Variants in INTS1 observed in about 807,000 individuals in gnomAD.
INTS1 encodes the protein integrator complex subunit 1.
A neutral mutation model predicts 241.6 loss-of-function variants in INTS1; 137 were observed. The ratio of observed to expected loss-of-function variants is 0.57; its 90% CI spans 0.49 to 0.65. The LOEUF (loss-of-function observed/expected upper bound fraction) is 0.65. Ranked by LOEUF, INTS1 falls within the 30% of genes least tolerant of loss-of-function variation. The probability of loss-of-function intolerance (pLI) is 0.00; values close to 1 mark genes in which losing one functional copy is unlikely to be tolerated. For synonymous variants in INTS1, 1,692 were observed against 1,337.8 expected (o/e 1.26, Z -5.78); for missense variants, 3,073 against 3,032.2 (o/e 1.01, Z -0.32).
chr7:1,476,488 C>T lies in INTS1; in HGVS notation c.5152-33G>A, dbSNP rs776696338. ...GGGTGCCTGCATCAGCCCCGGAGCA[C>T]CACCGCCTCTCCCGGATGGGCCACC... On this transcript the variant is annotated intron_variant, in intron 37 of 47. Coordinates refer to ENST00000404767, the MANE Select transcript of INTS1 (RefSeq NM_001080453.3). 1.8e-5 allele frequency: 29 copies of T among 1,599,048 alleles called. No homozygotes were observed. The highest frequency in any genetic ancestry group is 1.7e-4 in the Middle Eastern group (1 of 6,004).
At chr7:1,488,036 A>G in intron 18 of INTS1, 79 bp from the exon 19 acceptor site, 1 of 1,475,920 alleles carries the variant, frequency 6.8e-7, no homozygotes, top group Non-Finnish European at 9.4e-7. Flanking sequence ...AGGGTCAAGG[A>G]GGGTAAAACC....
rs758440747 is a variant in INTS1 at position 1,495,498 on chromosome 7, G to A, written c.1767C>T (p.Ala589=). ...GGACCACAGTGTGGAGCCACCAGACGGCATCCCGCTGGATGGCGGCAATCT... is the reference window on the plus strand; with the variant it reads ...GGACCACAGTGTGGAGCCACCAGACAGCATCCCGCTGGATGGCGGCAATCT... The part of the protein sequence containing the change: ...QNQIAAIQRD[A]VWWLHTVVPS... Residue 589 remains alanine, a synonymous_variant, in exon 13 of 48, where the codon GCC becomes GCT. Coordinates refer to ENST00000404767, the MANE Select transcript of INTS1 (RefSeq NM_001080453.3). 6.6e-5 allele frequency: 107 copies of A among 1,612,548 alleles called. No individual in the cohort carries two copies. Among genetic ancestry groups the A allele is most frequent in the Admixed American group, 3.7e-4 (22 of 59,974 alleles).
intron 44 of INTS1, 189 bp from the exon 45 acceptor site, chr7:1,471,830 C>T: frequency 1.6e-6 from 1 of 610,224 alleles, no homozygotes; most frequent in Non-Finnish European, 2.9e-6. Flanking sequence ...CCTGCCCCTA[C>T]TAGTGGCCTC....
At chr7:1,500,515 C>T (rs868425712) in intron 3 of INTS1, 149 bp from the exon 4 acceptor site, 16 of 850,016 alleles carry the variant, frequency 1.9e-5, no homozygotes, top group South Asian at 1.3e-4. Context: ...GTTCCCACAG[C>T]GGACAAGCAC....
Position 1,476,938 on chromosome 7 carries a change from C to T in INTS1, c.4939-20G>A, listed in dbSNP as rs1375363847. 6.2e-7 allele frequency: 1 copy of T among 1,602,076 alleles called. No homozygotes were observed. Among genetic ancestry groups the T allele is most frequent in the Non-Finnish European group, 8.5e-7 (1 of 1,176,782 alleles). On this transcript the variant is annotated intron_variant, in intron 35 of 47. Coordinates refer to ENST00000404767, the MANE Select transcript of INTS1 (RefSeq NM_001080453.3). ...TTTGCCCTGGGGAGGGAGGAAGAAG[C>T]CCGGATGGCCTCACCTGGGCCAATG...
At chr7:1,486,546 T>C (rs528342045) in intron 22 of INTS1, 79 bp downstream of exon 22, 21 of 1,485,060 alleles carry the variant, frequency 1.4e-5, no homozygotes, top group Non-Finnish European at 1.7e-5. Context: ...ATGACAGGCG[T>C]GAGCCACCGT....
rs1263352782 is a variant in INTS1, at chr7:1,477,567, G to C, written c.4921C>G (p.Leu1641Val). ...SSCPDLQLRL[L>V]FSRRKGKGQA... ...CCACCCACCTTCCTCCGGGAGAAGA[G>C]CAGCCTGAGCTGCAGGTCGGGGCAG... Residue 1641 changes from leucine to valine, a missense_variant, in exon 35 of 48, where the codon CTC (leucine) becomes GTC (valine). Leu to Val is a conservative substitution (Grantham distance 32). Coordinates refer to ENST00000404767, the MANE Select transcript of INTS1 (RefSeq NM_001080453.3). 2 of 1,532,302 alleles carry C rather than the reference G, an allele frequency of 1.3e-6. No homozygotes were observed. The highest frequency in any genetic ancestry group is 1.4e-5 in the African/African-American group (1 of 72,642). 94.9% of individuals were successfully genotyped at this position (1,532,302 alleles called of 1,614,324 possible).
In INTS1 at chr7:1,475,932, A is replaced by T. The variant is rs1266548386; in HGVS notation, c.5502+16T>A. ...ACCTGGGACGGCGGCGGGGAGCGGC[A>T]GAGTTGCGCCCTCACCTTGCAGACG... is the stretch of plus-strand genomic sequence containing the variant. On this transcript the variant is annotated intron_variant, in intron 39 of 47. Coordinates refer to ENST00000404767, the MANE Select transcript of INTS1 (RefSeq NM_001080453.3). The T allele has an allele frequency of 6.5e-6, 10 of 1,529,980 alleles. 1 individual carries two copies. The highest frequency in any genetic ancestry group is 8.8e-6 in the Non-Finnish European group (10 of 1,139,278). The allele number at this position is 1,529,980 out of a possible 1,614,324, so 94.8% of individuals were successfully genotyped here.
chr7:1,498,930 G>GCCCCCCCCCCCCCCCCCCCCC, intron 8 of INTS1, 45 bp downstream of exon 8: 10 of 1,460,158 alleles, frequency 6.8e-6, no homozygotes, highest in East Asian at 5.1e-5. Context: ...CACAGAGCCT[G>GCCCCCCCCCCCCCCCCCCCCC]CCCCCACCCC....
chr7:1,493,665 C>T lies in INTS1; in HGVS notation c.2068+89G>A, dbSNP rs1782700604. The T allele has an allele frequency of 2.8e-6, 4 of 1,435,840 alleles. No homozygotes were observed. Among genetic ancestry groups the T allele is most frequent in the South Asian group, 1.5e-5 (1 of 68,262 alleles). 88.9% of individuals were successfully genotyped at this position (1,435,840 alleles called of 1,614,324 possible). On this transcript the variant is annotated intron_variant, in intron 15 of 47. Transcript: ENST00000404767. This position sits in a 1 kb window ranked among gnomAD's most constrained non-coding sequence, Gnocchi z 5.3. ...CCAGCTGAAGCGCAGCTTTGTGGAG[C>T]GCCCCAGAGGTGCGTGCCAGAGCCG...
At chr7:1,482,264 A>C in intron 27 of INTS1, 16 of 311,452 alleles carry the variant, frequency 5.1e-5, no homozygotes, top group East Asian at 1.6e-4. Context: ...ACCCCAGACC[A>C]CTTTCTCTTT....
Position 1,470,433 on chromosome 7 carries a change from T to C in INTS1, c.*144A>G, listed in dbSNP as rs1781399955. Reference sequence around the variant, plus strand: ...GGAGCCACCCCAGGGCTCGGAGTATTGCTCCTGGGCCTGCCTGGCCTCAGG... The same window carrying C: ...GGAGCCACCCCAGGGCTCGGAGTATCGCTCCTGGGCCTGCCTGGCCTCAGG... On this transcript the variant is annotated 3_prime_UTR_variant, in exon 48 of 48. Coordinates refer to ENST00000404767, the MANE Select transcript of INTS1 (RefSeq NM_001080453.3). 1 of 597,140 alleles carries C rather than the reference T, an allele frequency of 1.7e-6. No individual in the cohort carries two copies. The highest frequency in any genetic ancestry group is 2.8e-6 in the Non-Finnish European group (1 of 358,492). The allele number at this position is 597,140 out of a possible 1,614,324, so 37.0% of individuals were successfully genotyped here.
chr7:1,472,532 G>A (rs1432440062), intron 43 of INTS1, 146 bp from the exon 44 acceptor site: 7 of 596,532 alleles, frequency 1.2e-5, no homozygotes, highest in Non-Finnish European at 8.8e-6. Context: ...CAAATGGGGT[G>A]GAGCCAGGAG....
chr7:1,477,713 C>A (rs1254652693), intron 34 of INTS1, 40 bp from the exon 35 acceptor site: 2 of 1,605,426 alleles, frequency 1.2e-6, no homozygotes, highest in Non-Finnish European at 1.7e-6. Context: ...CTGGTGCCAC[C>A]CGCCTGCCCA....
chr7:1,471,458 T>A, intron 45 of INTS1, 113 bp downstream of exon 45: 1 of 1,225,856 alleles, frequency 8.2e-7, no homozygotes, highest in Admixed American at 1.9e-5. Context: ...AAGCCCAGCC[T>A]CAGAGGACTC....
chr7:1,474,783 CG>C lies in INTS1; in HGVS notation c.5557del (p.Arg1853GlyfsTer31). The C allele has an allele frequency of 6.3e-7, 1 of 1,582,258 alleles. No homozygotes were observed. Among genetic ancestry groups the C allele is most frequent in the South Asian group, 1.2e-5 (1 of 86,256 alleles). On this transcript the variant is annotated frameshift_variant, in exon 40 of 48. Coordinates refer to ENST00000404767, the MANE Select transcript of INTS1 (RefSeq NM_001080453.3). LOFTEE classifies it high-confidence loss of function. ...ATCCGCCCCTCGGTTCTCCAACGCC[CG>C]GGAGTCGCTGGTGTCCGCAAGGAGC... Reference protein sequence around the residue: ...ITLLADTSDSRALENRGADAS... With the variant: ...ITLLADTSDSXALENRGADAS...
chr7:1,502,838 T>C, intron 3 of INTS1, 63 bp downstream of exon 3: 1 of 1,580,884 alleles, frequency 6.3e-7, no homozygotes, highest in Admixed American at 1.7e-5. Flanking sequence ...GGGCCTTCCC[T>C]GAACACCTGA....
intron 33 of INTS1, 84 bp from the exon 34 acceptor site, chr7:1,478,020 T>C: frequency 8.8e-7 from 1 of 1,140,402 alleles, no homozygotes; most frequent in Non-Finnish European, 1.3e-6. Context: ...CAGGGTGGGG[T>C]GTGGGGTGAG....
In INTS1 at chr7:1,493,826, G is replaced by A. The variant is rs1179824342; in HGVS notation, c.1996C>T (p.Pro666Ser). 1 of 1,572,478 alleles carries A rather than the reference G, an allele frequency of 6.4e-7. No homozygotes were observed. The highest frequency in any genetic ancestry group is 1.2e-5 in the South Asian group (1 of 85,540). The change falls in exon 15 of 48, where the codon CCG (proline) becomes TCG (serine). Residue 666 changes from proline (P) to serine (S), a missense_variant. Coordinates refer to ENST00000404767, the MANE Select transcript of INTS1 (RefSeq NM_001080453.3). The surrounding 1 kb of genome is among the most constrained non-coding windows in gnomAD (Gnocchi z 5.3). The part of the protein sequence containing the change: ...ILVIGLSREL[P>S]LGPADAMELA... ...TCCATGGCGTCCGCAGGCCCGAGCG[G>A]GAGCTCCCGGGACAGCCCGATGACC...
Sources: allele counts gnomAD v4.1 joint callset, GRCh38; gene constraint gnomAD v4.1.1; non-coding constraint Gnocchi (gnomAD v3.1); transcripts MANE v1.5; gene names NCBI Gene and HGNC (gene_info 2026-07-23, HGNC 2026-07-21).